The following UNC13C variants were observed in gnomAD, a reference collection of about 807,000 sequenced individuals.
The protein encoded by UNC13C is protein unc-13 homolog C.
UNC13C carries 174 observed loss-of-function variants against 245.4 expected under a neutral mutation model. The ratio of observed to expected loss-of-function variants is 0.71; its 90% CI spans 0.63 to 0.80. UNC13C has a LOEUF of 0.80. UNC13C is among the 30% of genes least tolerant of loss of function. The pLI is 0.00. For synonymous variants in UNC13C, 992 were observed against 895.1 expected (o/e 1.11, Z -1.93); for missense variants, 2,829 against 2,602.9 (o/e 1.09, Z -1.89).
intron 17 of UNC13C, among the ~76,000 whole-genome samples, chr15:54,377,739 C>T (rs536725399): frequency 6.6e-6 from 1 of 152,258 alleles, no homozygotes; most frequent in South Asian, 2.1e-4. Context: ...TGAACCAGCT[C>T]CCTCAGGCCT....
At chr15:54,421,098 C>G (rs1393444269) in intron 19 of UNC13C, among the ~76,000 whole-genome samples, 1 of 151,988 alleles carries the variant, frequency 6.6e-6, no homozygotes, top group East Asian at 1.9e-4. Context: ...TTGATCCCCA[C>G]AACAAGCCTA....
chr15:54,631,014 A>G (rs1901447519), downstream of UNC13C: 1 of 152,038 alleles, frequency 6.6e-6, no homozygotes, highest in Non-Finnish European at 1.5e-5. Context: ...GTATATATAA[A>G]TCGATGAAAA....
rs1452697919 is a variant in UNC13C, at chr15:54,015,179, T to C, written c.2276T>C (p.Met759Thr). ...LYQNQNQLSM[M>T]YRSQSELQSD... is the part of the protein sequence containing the mutation. Reference sequence around the variant, plus strand: ...CAAAATCAAAACCAGTTGTCCATGATGTATCGAAGTCAAAGTGAATTGCAA... The same window carrying C: ...CAAAATCAAAACCAGTTGTCCATGACGTATCGAAGTCAAAGTGAATTGCAA... Residue 759 changes from methionine (M) to threonine (T), a missense_variant, in exon 2 of 33, where the codon ATG (methionine) becomes ACG (threonine). By Grantham distance (81) the Met-to-Thr change is moderately conservative. Transcript: ENST00000260323. 1.2e-6 allele frequency: 2 copies of C among 1,612,908 alleles called. No individual in the cohort carries two copies. The highest frequency in any genetic ancestry group is 1.7e-6 in the Non-Finnish European group (2 of 1,179,470).
intron 2 of UNC13C, among the ~76,000 whole-genome samples, chr15:54,110,868 G>A (rs970969187): frequency 2.0e-5 from 3 of 152,156 alleles, no homozygotes; most frequent in Admixed American, 1.3e-4. Flanking sequence ...CCTTCCTCTT[G>A]TAACTGCAGA....
chr15:54,041,387 A>G (rs895783870), intron 2 of UNC13C, among the ~76,000 whole-genome samples: 10 of 152,170 alleles, frequency 6.6e-5, no homozygotes, highest in East Asian at 3.9e-4. Context: ...AATCTGTTTC[A>G]TTTTAAATAT....
chr15:53,982,195 A>G (rs1280033274), intron 1 of UNC13C, among the ~76,000 whole-genome samples: 1 of 151,968 alleles, frequency 6.6e-6, no homozygotes, highest in African/African-American at 2.4e-5. Flanking sequence ...CCAACAGCCA[A>G]TTTTTGTTGG....
chr15:54,604,175 C>A (rs1043238618), intron 30 of UNC13C, among the ~76,000 whole-genome samples: 2 of 152,134 alleles, frequency 1.3e-5, no homozygotes, highest in African/African-American at 2.4e-5. Flanking sequence ...CTGTTGTCAT[C>A]CATGTCCTAG....
At position 54,124,565 on chromosome 15, in the gene UNC13C, T is replaced by C. The variant is rs369360345; in HGVS notation, c.2984-18453T>C. Among the ~76,000 whole-genome samples the C allele has an allele frequency of 8.0e-4, 122 of 152,304 alleles. 1 individual carries two copies. Among genetic ancestry groups the C allele is most frequent in the African/African-American group, 2.9e-3 (119 of 41,560 alleles). ...GTGGATTTGTGATTTACAATTTTTTTCTTCCAGTTCATTGCTTGTCTTTTT... is the reference window on the plus strand; with the variant it reads ...GTGGATTTGTGATTTACAATTTTTTCCTTCCAGTTCATTGCTTGTCTTTTT... On this transcript the variant is annotated intron_variant, in intron 2 of 32. Transcript: ENST00000260323.
intron 4 of UNC13C, among the ~76,000 whole-genome samples, chr15:54,165,125 C>A (rs2033120098): frequency 1.3e-5 from 2 of 151,996 alleles, no homozygotes; most frequent in South Asian, 4.2e-4. Flanking sequence ...GTCCCCTTTC[C>A]CACTTCCAAC....
chr15:53,999,219 C>G (rs1006816949), intron 1 of UNC13C, among the ~76,000 whole-genome samples: 8 of 151,690 alleles, frequency 5.3e-5, no homozygotes, highest in Non-Finnish European at 1.0e-4. Flanking sequence ...AAAATTCCGC[C>G]TGGAGCTTTC....
intron 30 of UNC13C, among the ~76,000 whole-genome samples, chr15:54,583,509 C>T (rs1898304265): frequency 6.6e-6 from 1 of 152,152 alleles, no homozygotes; most frequent in African/African-American, 2.4e-5. Flanking sequence ...TGCCATTTTA[C>T]ATATAATAGA....
intron 17 of UNC13C, among the ~76,000 whole-genome samples, chr15:54,361,860 A>G (rs922589987): frequency 1.2e-4 from 18 of 152,230 alleles, no homozygotes; most frequent in African/African-American, 3.9e-4. Context: ...ACTTATAGAG[A>G]GTACAAGAAC....
chr15:54,136,126 T>C (rs1334045264), intron 2 of UNC13C, among the ~76,000 whole-genome samples: 2 of 152,296 alleles, frequency 1.3e-5, no homozygotes, highest in South Asian at 2.1e-4. Context: ...TTTGATATAG[T>C]AAATTTTAAT....
At chr15:54,603,512 A>G (rs917032459) in intron 30 of UNC13C, among the ~76,000 whole-genome samples, 5 of 152,140 alleles carry the variant, frequency 3.3e-5, no homozygotes, top group African/African-American at 1.2e-4. Context: ...TTAATACTCC[A>G]GTGTGGATCT....
At chr15:54,091,983 C>A (rs1283049773) in intron 2 of UNC13C, among the ~76,000 whole-genome samples, 1 of 152,150 alleles carries the variant, frequency 6.6e-6, no homozygotes, top group African/African-American at 2.4e-5. Context: ...AGTTTGATAT[C>A]AATATTTACT....
At chr15:54,468,529 A>G (rs1053413672) in intron 19 of UNC13C, among the ~76,000 whole-genome samples, 2 of 151,654 alleles carry the variant, frequency 1.3e-5, no homozygotes, top group African/African-American at 4.8e-5. Flanking sequence ...GCCCTGATCA[A>G]TGTCGTGAAG....
chr15:54,276,274 C>CA (rs957352187), intron 10 of UNC13C, among the ~76,000 whole-genome samples: 2 of 152,022 alleles, frequency 1.3e-5, no homozygotes, highest in Admixed American at 1.3e-4. Context: ...TTGTACATTT[C>CA]AAATGTATGC....
chr15:54,150,975 T>G (rs1448358561), intron 4 of UNC13C, among the ~76,000 whole-genome samples: 1 of 152,214 alleles, frequency 6.6e-6, no homozygotes, highest in African/African-American at 2.4e-5. Context: ...AATGGAGCTG[T>G]CATCCTGAAG....
chr15:54,268,147 TTTTC>T (rs980522489), intron 10 of UNC13C, among the ~76,000 whole-genome samples: 5 of 151,996 alleles, frequency 3.3e-5, no homozygotes, highest in Non-Finnish European at 7.4e-5. Flanking sequence ...TTAATTTTTT[TTTTC>T]TTATTTTTTT....
Sources: gnomAD v4.1 joint callset for allele counts (sites outside exome capture counted in the v4.1 genomes callset) on GRCh38, gnomAD v4.1.1 for gene constraint, MANE v1.5 for transcripts, NCBI Gene and HGNC (gene_info 2026-07-23, HGNC 2026-07-21) for gene names.